TTC29: variants seen among roughly 807,000 people sequenced by gnomAD.
TTC29 encodes tetratricopeptide repeat protein 29.
In TTC29, 49 loss-of-function variants were observed where a neutral mutation model predicts 58.1. That is an observed-to-expected ratio of 0.84 (90% CI 0.67 to 1.07). The LOEUF (loss-of-function observed/expected upper bound fraction) is 1.07, where lower values mean the gene tolerates loss of function less well. Among genes scored for constraint, TTC29 ranks in the 50% least tolerant of loss-of-function variants. The pLI, the probability that TTC29 is intolerant of heterozygous loss-of-function variation, is 0.00. For missense variants in TTC29, 582 were observed against 555.6 expected, an observed-to-expected ratio of 1.05 and a Z score of -0.48; for synonymous variants, 209 against 196.8, an observed-to-expected ratio of 1.06 and a Z score of -0.52.
chr4:146,763,274 T>C (rs956331762), intron 11 of TTC29, among the ~76,000 whole-genome samples: 4 of 152,126 alleles, frequency 2.6e-5, no homozygotes, highest in Non-Finnish European at 5.9e-5. Flanking sequence ...TTTCATTAAC[T>C]TTATGTTCAA....
At chr4:146,932,397 T>A (rs1225372154) in intron 4 of TTC29, among the ~76,000 whole-genome samples, 1 of 152,122 alleles carries the variant, frequency 6.6e-6, no homozygotes, top group African/African-American at 2.4e-5. Flanking sequence ...AAGAGCAAAC[T>A]TTTTTAAGAG....
At chr4:146,905,098 G>C (rs550579755) in intron 5 of TTC29, among the ~76,000 whole-genome samples, 118 of 152,146 alleles carry the variant, frequency 7.8e-4, no homozygotes, top group Non-Finnish European at 1.2e-3. Context: ...TGACAGCTCA[G>C]GTGAAAAGTA....
intron 11 of TTC29, among the ~76,000 whole-genome samples, chr4:146,751,283 C>A (rs1745971516): frequency 6.6e-6 from 1 of 152,128 alleles, no homozygotes; most frequent in East Asian, 1.9e-4. Flanking sequence ...TTCAATACCC[C>A]ACTTTAAATG....
intron 8 of TTC29, among the ~76,000 whole-genome samples, chr4:146,862,797 C>G (rs1730321464): frequency 6.6e-6 from 1 of 152,166 alleles, no homozygotes; most frequent in African/African-American, 2.4e-5. Context: ...CCCGAAGCCT[C>G]TACTCTGGCT....
At chr4:146,859,466 C>T (rs1013469783) in intron 8 of TTC29, among the ~76,000 whole-genome samples, 1 of 151,970 alleles carries the variant, frequency 6.6e-6, no homozygotes, top group Non-Finnish European at 1.5e-5. Flanking sequence ...ATGATTAATG[C>T]AAGTGTATTT....
At chr4:146,720,713 A>C (rs1743292743) in intron 11 of TTC29, among the ~76,000 whole-genome samples, 1 of 152,120 alleles carries the variant, frequency 6.6e-6, no homozygotes, top group African/African-American at 2.4e-5. Context: ...AACCAAGTAG[A>C]CACTCTTTTG....
Position 146,909,241 on chromosome 4 carries a change from T to C in TTC29, c.185A>G (p.Asn62Ser), listed in dbSNP as rs761136538. Residue 62 changes from asparagine to serine, a missense_variant, in exon 5 of 13, where the codon AAC becomes AGC. Coordinates refer to ENST00000325106, the MANE Select transcript of TTC29 (RefSeq NM_031956.4). Reference sequence around the variant, plus strand: ...CACACAGATATTCTTCTTGTAGGAGTTCCTATAACTGGAAATATGAATCAG... The same window carrying C: ...CACACAGATATTCTTCTTGTAGGAGCTCCTATAACTGGAAATATGAATCAG... The part of the protein sequence containing the change: ...LSKEEVAAYR[N>S]SYKKNICVDM... The C allele has an allele frequency of 1.2e-5, 20 of 1,609,080 alleles. No homozygotes were observed. The African/African-American group carries it at 1.3e-4, about 11-fold the overall frequency.
chr4:146,775,808 G>T (rs1184739252), intron 11 of TTC29, among the ~76,000 whole-genome samples: 2 of 152,112 alleles, frequency 1.3e-5, no homozygotes, highest in Non-Finnish European at 2.9e-5. Context: ...TCTCTGGCGA[G>T]GTTGGGAAAT....
At chr4:146,943,294 C>T (rs548281167) in intron 2 of TTC29, among the ~76,000 whole-genome samples, 188 of 149,388 alleles carry the variant, frequency 1.3e-3, no homozygotes, top group African/African-American at 4.4e-3. Flanking sequence ...AGCAGGAGCA[C>T]CTTTACTCTT....
At chr4:146,836,353 T>G (rs879369335) in intron 8 of TTC29, among the ~76,000 whole-genome samples, 6 of 152,132 alleles carry the variant, frequency 3.9e-5, no homozygotes, top group Non-Finnish European at 8.8e-5. Context: ...TAGTTCATTA[T>G]TGACCAAGTA....
At chr4:146,940,026 C>T in intron 2 of TTC29, 125 bp from the exon 3 acceptor site, 1 of 837,590 alleles carries the variant, frequency 1.2e-6, no homozygotes, top group East Asian at 3.1e-5. Flanking sequence ...AGTGCTACAG[C>T]TGTGTTATTC....
At chr4:146,720,206 A>G (rs1743256447) in intron 11 of TTC29, among the ~76,000 whole-genome samples, 1 of 152,180 alleles carries the variant, frequency 6.6e-6, no homozygotes, top group South Asian at 2.1e-4. Flanking sequence ...AGATTGATCA[A>G]AAAAGGATTT....
At chr4:146,749,609 A>G (rs1745822884) in intron 11 of TTC29, among the ~76,000 whole-genome samples, 1 of 152,178 alleles carries the variant, frequency 6.6e-6, no homozygotes, top group Admixed American at 6.5e-5. Flanking sequence ...AGAAAGGGAA[A>G]ACAAGCATAC....
intron 11 of TTC29, among the ~76,000 whole-genome samples, chr4:146,783,843 G>A (rs1748804283): frequency 6.6e-6 from 1 of 151,992 alleles, no homozygotes; most frequent in Non-Finnish European, 1.5e-5. Context: ...CAAATGTTAT[G>A]TTAATTATTC....
At chr4:146,728,794 C>CATAT (rs1450598794) in intron 11 of TTC29, among the ~76,000 whole-genome samples, 1 of 119,848 alleles carries the variant, frequency 8.3e-6, no homozygotes, top group African/African-American at 3.3e-5. Context: ...TGTATATATA[C>CATAT]GTATATATAC....
At chr4:146,890,356 C>T (rs1292558037) in intron 6 of TTC29, among the ~76,000 whole-genome samples, 1 of 152,126 alleles carries the variant, frequency 6.6e-6, no homozygotes, top group African/African-American at 2.4e-5. Flanking sequence ...GGGTAGTAGT[C>T]CCATCTTACT....
At chr4:146,917,605 T>TCTTTATATAATATCTA (rs1734313413) in intron 4 of TTC29, among the ~76,000 whole-genome samples, 1 of 108,672 alleles carries the variant, frequency 9.2e-6, no homozygotes. Context: ...CATTATATAT[T>TCTTTATATAATATCTA]ATTTATAATA....
intron 4 of TTC29, among the ~76,000 whole-genome samples, chr4:146,931,619 T>A (rs1735342279): frequency 6.6e-6 from 1 of 152,210 alleles, no homozygotes; most frequent in Non-Finnish European, 1.5e-5. Flanking sequence ...TCAGCTCCTA[T>A]AATAGCCAGA....
At chr4:146,840,957 T>C (rs1281587343) in intron 8 of TTC29, among the ~76,000 whole-genome samples, 1 of 152,174 alleles carries the variant, frequency 6.6e-6, no homozygotes, top group East Asian at 1.9e-4. Flanking sequence ...ATTCACAGAA[T>C]GTTTGTCTAG....
Sources: allele counts gnomAD v4.1 joint callset (sites outside exome capture counted in the v4.1 genomes callset), GRCh38; gene constraint gnomAD v4.1.1; transcripts MANE v1.5; gene names NCBI Gene and HGNC (gene_info 2026-07-23, HGNC 2026-07-21).